KCNQ2: variants seen among roughly 807,000 people sequenced by gnomAD.
KCNQ2 encodes the protein potassium voltage-gated channel subfamily KQT member 2.
In KCNQ2, 14 loss-of-function variants were observed where a neutral mutation model predicts 84.8. The ratio of observed to expected loss-of-function variants is 0.17; its 90% confidence interval spans 0.11 to 0.26. The LOEUF is 0.26. Among genes scored for constraint, KCNQ2 ranks in the 10% least tolerant of loss-of-function variants. The pLI, the probability that KCNQ2 is intolerant of heterozygous loss-of-function variation, is 1.00. For missense variants in KCNQ2, 788 were observed against 1,254.0 expected (o/e 0.63, Z 5.61); for synonymous variants, 599 against 554.1 (o/e 1.08, Z -1.14).
Position 63,407,167 on chromosome 20 carries a change from T to C in KCNQ2, c.2096A>G (p.Lys699Arg). 1 of 1,601,814 alleles carries C rather than the reference T, an allele frequency of 6.2e-7. No individual in the cohort carries two copies. The highest frequency in any genetic ancestry group is 8.5e-7 in the Non-Finnish European group (1 of 1,177,160). Residue 699 changes from lysine (K) to arginine (R), a missense_variant, in exon 17 of 17, where the codon AAG (lysine) becomes AGG (arginine). This residue lies in a region of KCNQ2 where 378 missense variants were observed against 434.5 expected (regional missense o/e 0.87). Coordinates refer to ENST00000359125, the MANE Select transcript of KCNQ2 (RefSeq NM_172107.4). The surrounding 1 kb of genome is among the most constrained non-coding windows in gnomAD (Gnocchi z 7.2). Reference sequence around the variant, plus strand: ...CGCGGCCGGGGGCGCCGAGAAGTTCTTCTGGCCCGTGGAGCTGCTGGAGCG... The same window carrying C: ...CGCGGCCGGGGGCGCCGAGAAGTTCCTCTGGCCCGTGGAGCTGCTGGAGCG... ...IVRSSSSTGQ[K>R]NFSAPPAAPP...
rs2079856396 is a variant in KCNQ2, at chr20:63,403,714, T to C, written c.*2930A>G. The C allele has an allele frequency of 6.6e-6, 1 of 152,322 alleles. No homozygotes were observed. The highest frequency in any genetic ancestry group is 6.5e-5 in the Admixed American group (1 of 15,290). 9.4% of individuals were successfully genotyped at this position (152,322 alleles called of 1,614,324 possible). A position where few individuals can be genotyped will look rare whatever the true frequency, so the allele number is the denominator to read the frequency against. On this transcript the variant is annotated 3_prime_UTR_variant, in exon 17 of 17. Transcript: ENST00000359125. ...ATGTGTGCTATGTGGTCTGTGTGCA[T>C]GTGTGCAAGCGTGCATGTGTACGCC... is the stretch of plus-strand genomic sequence containing the variant.
Position 63,472,257 on chromosome 20 carries a change from C to T in KCNQ2, c.207G>A (p.Lys69=), listed in dbSNP as rs1161320986. ...GCAGCTTGCGGTAGAAGGCGTTGCGCTTGGGGGGCTTCCCGGCGCCCGCGC... is the reference window on the plus strand; with the variant it reads ...GCAGCTTGCGGTAGAAGGCGTTGCGTTTGGGGGGCTTCCCGGCGCCCGCGC... ...AGGAGAGKPP[K]RNAFYRKLQN... is the part of the protein sequence containing the mutation. The change falls in exon 1 of 17, where the codon AAG becomes AAA. Residue 69 remains lysine, a synonymous_variant. Transcript: ENST00000359125. 2 of 1,538,494 alleles carry T rather than the reference C, an allele frequency of 1.3e-6. No individual in the cohort carries two copies. The highest frequency in any genetic ancestry group is 2.5e-5 in the East Asian group (1 of 39,502).
intron 7 of KCNQ2, among the ~76,000 whole-genome samples, chr20:63,436,434 G>A (rs1012230290): frequency 6.6e-6 from 1 of 152,062 alleles, no homozygotes; most frequent in South Asian, 2.1e-4. Context: ...GGGAGGCTGA[G>A]GCAGGAGAAT....
intron 15 of KCNQ2, among the ~76,000 whole-genome samples, chr20:63,409,694 G>C (rs1012663489): frequency 6.6e-6 from 1 of 152,194 alleles, no homozygotes; most frequent in East Asian, 1.9e-4. Flanking sequence ...ACCAGCCGAC[G>C]GGGCCAAGTC....
intron 4 of KCNQ2, among the ~76,000 whole-genome samples, chr20:63,442,851 T>TCAC (rs1367220510): frequency 1.6e-4 from 3 of 19,120 alleles, no homozygotes; most frequent in Non-Finnish European, 3.5e-4. Flanking sequence ...ACCATCACCA[T>TCAC]CACCACCACC....
At position 63,406,874 on chromosome 20, in the gene KCNQ2, C is replaced by T; in HGVS notation, c.2389G>A (p.Glu797Lys). The T allele has an allele frequency of 6.2e-7, 1 of 1,612,198 alleles. No individual in the cohort carries two copies. The highest frequency in any genetic ancestry group is 8.5e-7 in the Non-Finnish European group (1 of 1,179,728). The change falls in exon 17 of 17, where the codon GAG (glutamate) becomes AAG (lysine). Residue 797 changes from glutamate to lysine, a missense_variant. This residue lies in a region of KCNQ2 where 378 missense variants were observed against 434.5 expected (regional missense o/e 0.87). Coordinates refer to ENST00000359125, the MANE Select transcript of KCNQ2 (RefSeq NM_172107.4). Reference sequence around the variant, plus strand: ...AAGCCGCTGAAGGAACGCTCCAGCTCCTCGTGGTCCACGGACGGGATGGAG... The same window carrying T: ...AAGCCGCTGAAGGAACGCTCCAGCTTCTCGTGGTCCACGGACGGGATGGAG... ...SISIPSVDHE[E>K]LERSFSGFSI...
chr20:63,443,262 C>T (rs1170877451), intron 4 of KCNQ2, among the ~76,000 whole-genome samples: 5 of 27,006 alleles, frequency 1.9e-4, no homozygotes, highest in Admixed American at 7.0e-4. Context: ...ACCATCGCCA[C>T]CATCATCACC....
At chr20:63,437,879 G>A (rs1444792072) in intron 7 of KCNQ2, among the ~76,000 whole-genome samples, 4 of 152,056 alleles carry the variant, frequency 2.6e-5, no homozygotes, top group Non-Finnish European at 5.9e-5. Flanking sequence ...GCGTGATCTC[G>A]GCTCACTGCA....
chr20:63,424,744 C>T (rs2080577040), intron 10 of KCNQ2, among the ~76,000 whole-genome samples: 2 of 152,234 alleles, frequency 1.3e-5, no homozygotes, highest in Non-Finnish European at 2.9e-5. Context: ...CGGCCTCGTC[C>T]TGCAGGCAAA....
chr20:63,413,269 A>C (rs1268456046), intron 15 of KCNQ2, 181 bp downstream of exon 15: 1 of 673,718 alleles, frequency 1.5e-6, no homozygotes, highest in Non-Finnish European at 2.6e-6. Context: ...GATGGGAGAG[A>C]CAGCAGAAAT....
chr20:63,456,598 C>A (rs1188593548), intron 1 of KCNQ2, among the ~76,000 whole-genome samples: 2 of 152,224 alleles, frequency 1.3e-5, no homozygotes, highest in Non-Finnish European at 2.9e-5. Context: ...GACATCAAGA[C>A]CCCACTCCCA....
At position 63,438,575 on chromosome 20, in the gene KCNQ2, T is replaced by C. The variant is rs1189393544; in HGVS notation, c.1023+50A>G. The stretch of plus-strand genomic sequence containing the variant: ...CAGCGGCCTCCACTCCTCAACAAGG[T>C]GGGACCAGGACAAGGGCTGTGCTGG... On this transcript the variant is annotated intron_variant, in intron 7 of 16. Coordinates refer to ENST00000359125, the MANE Select transcript of KCNQ2 (RefSeq NM_172107.4). The surrounding 1 kb of genome is among the most constrained non-coding windows in gnomAD (Gnocchi z 5.1). 3 of 1,520,406 alleles carry C rather than the reference T, an allele frequency of 2.0e-6. No individual in the cohort carries two copies. Among genetic ancestry groups the C allele is most frequent in the Non-Finnish European group, 2.7e-6 (3 of 1,096,566 alleles). 94.2% of individuals were successfully genotyped at this position (1,520,406 alleles called of 1,614,324 possible). A position where few individuals can be genotyped will look rare whatever the true frequency, so the allele number is the denominator to read the frequency against.
chr20:63,400,839 C>T lies in KCNQ2; in HGVS notation c.*5805G>A, dbSNP rs1419622465. 1.5e-5 allele frequency: 6 copies of T among 398,324 alleles called. No individual in the cohort carries two copies. The highest frequency in any genetic ancestry group is 4.4e-5 in the Admixed American group (1 of 22,716). 24.7% of individuals were successfully genotyped at this position (398,324 alleles called of 1,614,324 possible). A position where few individuals can be genotyped will look rare whatever the true frequency, so the allele number is the denominator to read the frequency against. On this transcript the variant is annotated 3_prime_UTR_variant, in exon 17 of 17. Coordinates refer to ENST00000359125, the MANE Select transcript of KCNQ2 (RefSeq NM_172107.4). This position sits in a 1 kb window ranked among gnomAD's most constrained non-coding sequence, Gnocchi z 8.7. ...CTGCCCTGCGCGTGTCTCTGGAGCC[C>T]GTCCCTTGGGCCCCTCGCCCGCCCC...
In KCNQ2 at chr20:63,425,255, G is replaced by T. The variant is rs1055255563; in HGVS notation, c.1218-1049C>A. Reference sequence around the variant, plus strand: ...TGCAAGGACCCTTTCTCCAAATCAGGTCACATTTGCAAATTCTGGGACATT... The same window carrying T: ...TGCAAGGACCCTTTCTCCAAATCAGTTCACATTTGCAAATTCTGGGACATT... On this transcript the variant is annotated intron_variant, in intron 10 of 16. Coordinates refer to ENST00000359125, the MANE Select transcript of KCNQ2 (RefSeq NM_172107.4). This position sits in a 1 kb window ranked among gnomAD's most constrained non-coding sequence, Gnocchi z 5.5. 6.6e-6 allele frequency among the ~76,000 whole-genome samples: 1 copy of T among 152,072 alleles called. No homozygotes were observed. Among genetic ancestry groups the T allele is most frequent in the Non-Finnish European group, 1.5e-5 (1 of 68,042 alleles).
chr20:63,442,844 ATCAC>A (rs2081236191), intron 4 of KCNQ2, among the ~76,000 whole-genome samples: 1 of 50,786 alleles, frequency 2.0e-5, no homozygotes, highest in Non-Finnish European at 4.3e-5. Context: ...CACCACCACC[ATCAC>A]CATCACCACC....
intron 15 of KCNQ2, among the ~76,000 whole-genome samples, chr20:63,412,944 C>T (rs1201126865): frequency 6.6e-6 from 1 of 152,172 alleles, no homozygotes; most frequent in Non-Finnish European, 1.5e-5. Context: ...CCAAGGAGGG[C>T]AGGTAGAAGA....
chr20:63,465,560 C>T (rs1486562626), intron 1 of KCNQ2, among the ~76,000 whole-genome samples: 1 of 152,218 alleles, frequency 6.6e-6, no homozygotes, highest in Non-Finnish European at 1.5e-5. Flanking sequence ...GAAAGCTCGG[C>T]ACACGGGCTG....
intron 15 of KCNQ2, among the ~76,000 whole-genome samples, chr20:63,410,169 G>A (rs2080079304): frequency 6.6e-6 from 1 of 152,168 alleles, no homozygotes; most frequent in Admixed American, 6.5e-5. Context: ...CAGTGGCGAT[G>A]GAGGAGATGG....
chr20:63,415,802 G>C (rs1009462061), intron 12 of KCNQ2, among the ~76,000 whole-genome samples: 1 of 151,860 alleles, frequency 6.6e-6, no homozygotes, highest in South Asian at 2.1e-4. Flanking sequence ...CCCCGGCCCC[G>C]CCCGTGGTTT....
Sources: gnomAD v4.1 joint callset for allele counts (sites outside exome capture counted in the v4.1 genomes callset) on GRCh38, gnomAD v4.1.1 for gene constraint, gnomAD v4.1.1 regional missense constraint, Gnocchi (gnomAD v3.1) non-coding constraint, MANE v1.5 for transcripts, NCBI Gene and HGNC (gene_info 2026-07-23, HGNC 2026-07-21) for gene names.